Variants in SLC35D4 observed in about 807,000 individuals in gnomAD.
The protein encoded by SLC35D4 is UDP-N-acetylglucosamine transporter SLC35D4.
chr18:23,251,475 C>T, the SLC35D4 span, among the ~76,000 whole-genome samples: 3 of 151,816 alleles, frequency 2.0e-5, no homozygotes, highest in African/African-American at 7.3e-5. Context: ...AAGATTATGG[C>T]GTGTAGTCAG....
At chr18:23,365,622 G>T in the SLC35D4 span, 1 of 1,613,066 alleles carries the variant, frequency 6.2e-7, no homozygotes, top group Non-Finnish European at 8.5e-7. Flanking sequence ...ACAACACTCC[G>T]GGGGCATTTA....
the SLC35D4 span, among the ~76,000 whole-genome samples, chr18:23,326,261 T>C: frequency 0.12 from 17,895 of 152,092 alleles, 1,163 homozygotes; most frequent in Middle Eastern, 0.19. Flanking sequence ...GACTGGCAAA[T>C]TGGATAAAGA....
the SLC35D4 span, among the ~76,000 whole-genome samples, chr18:23,275,044 GTGA>G: frequency 3.1e-5 from 1 of 32,738 alleles, no homozygotes; most frequent in Non-Finnish European, 5.3e-5. Context: ...TATTTTGTGT[GTGA>G]GTGTGTTTGT....
chr18:23,364,777 G>A, the SLC35D4 span, among the ~76,000 whole-genome samples: 6 of 151,600 alleles, frequency 4.0e-5, no homozygotes, highest in South Asian at 6.3e-4. Flanking sequence ...GGTCTCATAC[G>A]CCATAGTCCC....
chr18:23,269,274 G>C, the SLC35D4 span, among the ~76,000 whole-genome samples: 1 of 152,204 alleles, frequency 6.6e-6, no homozygotes, highest in African/African-American at 2.4e-5. Context: ...TTTGGTGATA[G>C]AGTTCTCACA....
At chr18:23,263,691 T>A in the SLC35D4 span, among the ~76,000 whole-genome samples, 1 of 152,338 alleles carries the variant, frequency 6.6e-6, no homozygotes, top group African/African-American at 2.4e-5. Context: ...CTTTAATCAG[T>A]GTGTGACTAG....
chr18:23,275,871 G>C, the SLC35D4 span, among the ~76,000 whole-genome samples: 1 of 152,212 alleles, frequency 6.6e-6, no homozygotes, highest in African/African-American at 2.4e-5. Context: ...TGACTCCACT[G>C]ATGTGAGGTT....
chr18:23,321,446 G>A, the SLC35D4 span, among the ~76,000 whole-genome samples: 1 of 151,912 alleles, frequency 6.6e-6, no homozygotes, highest in Non-Finnish European at 1.5e-5. Context: ...ATACCATCAT[G>A]ACACAAAGTG....
At chr18:23,266,045 GGAGA>G in the SLC35D4 span, among the ~76,000 whole-genome samples, 1 of 152,134 alleles carries the variant, frequency 6.6e-6, no homozygotes, top group Non-Finnish European at 1.5e-5. Flanking sequence ...AGTATGTGTT[GGAGA>G]GAGTGACAGA....
chr18:23,246,594 T>C, the SLC35D4 span, among the ~76,000 whole-genome samples: 31 of 151,896 alleles, frequency 2.0e-4, no homozygotes, highest in Middle Eastern at 3.4e-3. Context: ...GGTTTCACCG[T>C]GTTAGCCAGG....
At chr18:23,270,779 A>G in the SLC35D4 span, among the ~76,000 whole-genome samples, 2 of 152,226 alleles carry the variant, frequency 1.3e-5, no homozygotes, top group Admixed American at 6.5e-5. Context: ...CTTTACTGCA[A>G]TTCCCCAGTC....
the SLC35D4 span, among the ~76,000 whole-genome samples, chr18:23,371,945 T>TTTG: frequency 4.1e-5 from 3 of 73,346 alleles, no homozygotes; most frequent in African/African-American, 5.9e-5. Context: ...GTTTTTTTTT[T>TTTG]TTTTTTTTGA....
the SLC35D4 span, among the ~76,000 whole-genome samples, chr18:23,254,364 C>T: frequency 1.3e-5 from 2 of 152,210 alleles, no homozygotes; most frequent in African/African-American, 2.4e-5. Flanking sequence ...AAGGTGGTAT[C>T]TCTTTTCTTT....
the SLC35D4 span, chr18:23,399,789 G>T: frequency 1.4e-6 from 1 of 731,532 alleles, no homozygotes; most frequent in Non-Finnish European, 2.3e-6. Context: ...TAAGTGAGAT[G>T]TAGTCTTTAT....
the SLC35D4 span, among the ~76,000 whole-genome samples, chr18:23,372,220 G>A: frequency 6.6e-6 from 1 of 152,056 alleles, no homozygotes; most frequent in Non-Finnish European, 1.5e-5. Context: ...ACAGGCGTGA[G>A]CCACCGCGCC....
the SLC35D4 span, among the ~76,000 whole-genome samples, chr18:23,302,109 T>C: frequency 6.6e-6 from 1 of 152,184 alleles, no homozygotes; most frequent in Non-Finnish European, 1.5e-5. Flanking sequence ...ACACCCTTTC[T>C]CCTAGAGCTG....
the SLC35D4 span, among the ~76,000 whole-genome samples, chr18:23,323,984 G>A: frequency 6.6e-6 from 1 of 151,778 alleles, no homozygotes; most frequent in Non-Finnish European, 1.5e-5. Context: ...TTGGGAGGCT[G>A]AGGCAGGAGA....
At chr18:23,317,048 T>C in the SLC35D4 span, among the ~76,000 whole-genome samples, 2 of 152,286 alleles carry the variant, frequency 1.3e-5, no homozygotes, top group Admixed American at 6.5e-5. Context: ...CTGAGTCCTG[T>C]GGCACTCTCC....
the SLC35D4 span, among the ~76,000 whole-genome samples, chr18:23,241,083 T>G: frequency 1.3e-5 from 2 of 152,214 alleles, no homozygotes; most frequent in Non-Finnish European, 2.9e-5. Context: ...TATTCTCACT[T>G]CTGTCACCAT....
Sources: gnomAD v4.1 joint callset for allele counts (sites outside exome capture counted in the v4.1 genomes callset) on GRCh38, gnomAD v4.1.1 for gene constraint, MANE v1.5 for transcripts, NCBI Gene and HGNC (gene_info 2026-07-23, HGNC 2026-07-21) for gene names.